Variants in ASB14 observed in about 807,000 individuals in gnomAD.
ASB14 encodes ankyrin repeat and SOCS box protein 14.
Under a neutral mutation model 55.6 loss-of-function variants are expected in ASB14, and 63 were observed. The ratio of observed to expected loss-of-function variants is 1.13; its 90% CI spans 0.92 to 1.40. ASB14 has a LOEUF of 1.40. Among genes scored for constraint, ASB14 ranks in the 40% most tolerant of loss-of-function variants. The probability of loss-of-function intolerance (pLI) is 0.00; values close to 1 mark genes in which losing one functional copy is unlikely to be tolerated. For missense variants in ASB14, 724 were observed against 710.4 expected, an observed-to-expected ratio of 1.02 and a Z score of -0.22; for synonymous variants, 256 against 259.9, an observed-to-expected ratio of 0.98 and a Z score of 0.15.
In ASB14 at chr3:57,269,560, G is replaced by T. The variant is rs762717192; in HGVS notation, c.*81C>A. The T allele has an allele frequency of 2.5e-6, 4 of 1,613,688 alleles. No individual in the cohort carries two copies. The highest frequency in any genetic ancestry group is 3.4e-6 in the Non-Finnish European group (4 of 1,179,834). On this transcript the variant is annotated 3_prime_UTR_variant, in exon 11 of 11. Transcript: ENST00000487349. Reference sequence around the variant, plus strand: ...CACTAGGACTTGGAAGAACAAAGTCGGTTGATAGCTGCTTCCAGTAGACCA... The same window carrying T: ...CACTAGGACTTGGAAGAACAAAGTCTGTTGATAGCTGCTTCCAGTAGACCA...
At chr3:57,280,186 A>AAT in intron 7 of ASB14, 116 bp downstream of exon 7, 3 of 636,792 alleles carry the variant, frequency 4.7e-6, no homozygotes, top group African/African-American at 1.9e-5. Context: ...AAAAAAAAAA[A>AAT]GTATGTTTAG....
intron 10 of ASB14, chr3:57,269,960 A>G (rs988081645): frequency 4.1e-6 from 1 of 241,376 alleles, no homozygotes; most frequent in Non-Finnish European, 7.9e-6. Context: ...CATTTGCTCA[A>G]GAATTTTTTC....
chr3:57,268,376 G>A lies in ASB14; in HGVS notation c.*1265C>T. ...AAGTTATTTCATATTTAATTCATTA[G>A]TTTTATTCATCTGTTCTTTAGGATC... On this transcript the variant is annotated 3_prime_UTR_variant, in exon 11 of 11. Coordinates refer to ENST00000487349, the MANE Select transcript of ASB14 (RefSeq NM_001142733.3). 1 of 1,506,698 alleles carries A rather than the reference G, an allele frequency of 6.6e-7. No homozygotes were observed. The highest frequency in any genetic ancestry group is 2.3e-5 in the East Asian group (1 of 43,998). The allele number at this position is 1,506,698 out of a possible 1,614,324, so 93.3% of individuals were successfully genotyped here. A position where few individuals can be genotyped will look rare whatever the true frequency, so the allele number is the denominator to read the frequency against.
chr3:57,279,697 G>A (rs2061023058), intron 7 of ASB14, among the ~76,000 whole-genome samples: 1 of 152,008 alleles, frequency 6.6e-6, no homozygotes, highest in Non-Finnish European at 1.5e-5. Context: ...AGTCAGCGTG[G>A]TGGGAAATAT....
intron 10 of ASB14, chr3:57,272,754 C>T (rs12497949): frequency 0.37 from 55,972 of 151,998 alleles, 12,460 homozygotes; most frequent in East Asian, 0.92. Flanking sequence ...GGCCCACCAC[C>T]GCGCCCGGCT....
Position 57,268,493 on chromosome 3 carries a change from CAGTCCTA to C in ASB14, c.*1141_*1147del. ...AACAAAAACAGATTGAAAAGGTATA[CAGTCCTA>C]ATGTCTGGATCTTTATGTGTTGTTT... On this transcript the variant is annotated 3_prime_UTR_variant, in exon 11 of 11. Transcript: ENST00000487349. The C allele has an allele frequency of 6.2e-7, 1 of 1,600,222 alleles. No homozygotes were observed. Among genetic ancestry groups the C allele is most frequent in the Non-Finnish European group, 8.5e-7 (1 of 1,175,424 alleles).
intron 10 of ASB14, chr3:57,271,274 G>A (rs1416506759): frequency 6.6e-6 from 1 of 152,422 alleles, no homozygotes; most frequent in Non-Finnish European, 1.5e-5. Context: ...TGATATATAG[G>A]ATCATGATAT....
intron 10 of ASB14, chr3:57,270,381 C>T (rs1386086292): frequency 2.0e-5 from 3 of 152,596 alleles, no homozygotes; most frequent in Non-Finnish European, 4.4e-5. Flanking sequence ...TTATCACATT[C>T]TTAGTTCTCA....
At chr3:57,274,938 G>A (rs1446542397) in intron 10 of ASB14, among the ~76,000 whole-genome samples, 1 of 151,994 alleles carries the variant, frequency 6.6e-6, no homozygotes, top group Non-Finnish European at 1.5e-5. Context: ...TTCAATTGAG[G>A]GTTCTATTTC....
Position 57,289,687 on chromosome 3 carries a change from CTTTTTTTT to C in ASB14, c.123-572_123-565del, listed in dbSNP as rs34419265. 9.5e-3 allele frequency among the ~76,000 whole-genome samples: 957 copies of C among 100,334 alleles called. 11 individuals carry two copies. The highest frequency in any genetic ancestry group is 0.028 in the African/African-American group (891 of 31,780). The allele number at this position is 100,334 out of a possible 152,430, so 65.8% of individuals were successfully genotyped here. A position where few individuals can be genotyped will look rare whatever the true frequency, so the allele number is the denominator to read the frequency against. ...CAAATAAGGATTGTCACCTTCCATT[CTTTTTTTT>C]TTTTTTTTTTTTTTTGAGATGGAGT... On this transcript the variant is annotated intron_variant, in intron 2 of 10. Coordinates refer to ENST00000487349, the MANE Select transcript of ASB14 (RefSeq NM_001142733.3).
intron 6 of ASB14, among the ~76,000 whole-genome samples, chr3:57,282,018 TTCTC>T (rs2061044278): frequency 6.6e-6 from 1 of 152,216 alleles, no homozygotes; most frequent in South Asian, 2.1e-4. Context: ...TGTTGCTTCT[TTCTC>T]TGTATTTTAA....
chr3:57,287,448 A>T (rs1460458172), intron 5 of ASB14, among the ~76,000 whole-genome samples: 1 of 152,058 alleles, frequency 6.6e-6, no homozygotes, highest in Non-Finnish European at 1.5e-5. Flanking sequence ...CTAGTACTCC[A>T]CCCTCACCTA....
chr3:57,289,725 C>T (rs920006083), intron 2 of ASB14, among the ~76,000 whole-genome samples: 1 of 114,594 alleles, frequency 8.7e-6, no homozygotes, highest in Non-Finnish European at 1.7e-5. Context: ...TGGAGTCTGT[C>T]TCTGTCGCCC....
intron 7 of ASB14, among the ~76,000 whole-genome samples, chr3:57,279,267 T>C (rs1186066981): frequency 1.8e-5 from 1 of 56,468 alleles, no homozygotes; most frequent in East Asian, 4.4e-3. Context: ...AGTTTTTCTT[T>C]TTTTTTTTTT....
At chr3:57,279,018 T>C (rs548589620) in intron 7 of ASB14, 98 bp from the exon 8 acceptor site, 27 of 1,184,034 alleles carry the variant, frequency 2.3e-5, no homozygotes, top group South Asian at 1.6e-4. Flanking sequence ...AGTATCAGTA[T>C]TCAGGGGGCA....
At chr3:57,287,678 G>A (rs2061090829) in intron 5 of ASB14, among the ~76,000 whole-genome samples, 1 of 152,162 alleles carries the variant, frequency 6.6e-6, no homozygotes, top group Admixed American at 6.5e-5. Context: ...GCTTGATGAA[G>A]GTACCATGCG....
intron 5 of ASB14, among the ~76,000 whole-genome samples, chr3:57,287,211 CAG>C (rs1268455421): frequency 3.9e-5 from 6 of 152,160 alleles, no homozygotes; most frequent in Non-Finnish European, 8.8e-5. Flanking sequence ...AAATTTTAAG[CAG>C]AGAGTGGGGC....
At position 57,282,931 on chromosome 3, in the gene ASB14, CCAT is replaced by C. The variant is rs202124809; in HGVS notation, c.715+260_715+262del. On this transcript the variant is annotated intron_variant, in intron 6 of 10. Transcript: ENST00000487349. ...ACAACACCACAAAAAGGTTAAAAAA[CCAT>C]CATCATCTTAGCACAGTGAGGGAAT... Among the ~76,000 whole-genome samples the C allele has an allele frequency of 1.0e-3, 153 of 152,238 alleles. 2 individuals carry two copies. The highest frequency in any genetic ancestry group is 6.8e-3 in the East Asian group (35 of 5,174).
At position 57,291,918 on chromosome 3, in the gene ASB14, T is replaced by TC. The variant is rs2061135212; in HGVS notation, c.115dup (p.Asp39GlyfsTer2). 6.5e-7 allele frequency: 1 copy of TC among 1,533,968 alleles called. No individual in the cohort carries two copies. The highest frequency in any genetic ancestry group is 1.4e-5 in the African/African-American group (1 of 72,942). The stretch of plus-strand genomic sequence containing the variant: ...CCGATGAGAAAACCATTACCTCTCA[T>TC]CCTTAGGTGCATGTTGTGCTGTTCC... On this transcript the variant is annotated frameshift_variant, in exon 2 of 11. Transcript: ENST00000487349. LOFTEE classifies it high-confidence loss of function.
Sources: gnomAD v4.1 joint callset for allele counts (sites outside exome capture counted in the v4.1 genomes callset) on GRCh38, gnomAD v4.1.1 for gene constraint, MANE v1.5 for transcripts, NCBI Gene and HGNC (gene_info 2026-07-23, HGNC 2026-07-21) for gene names.